Variants in AFAP1L2 observed in about 807,000 individuals in gnomAD.
AFAP1L2 encodes actin filament associated protein 1 like 2, also known as actin filament-associated protein 1-like 2.
In AFAP1L2, 46 loss-of-function variants were observed where a neutral mutation model predicts 99.3. That is an observed-to-expected ratio of 0.46 (90% CI 0.37 to 0.59). AFAP1L2 has a LOEUF of 0.59. Among genes scored for constraint, AFAP1L2 ranks in the 20% least tolerant of loss-of-function variants. The probability of loss-of-function intolerance (pLI) is 0.00; values close to 1 mark genes in which losing one functional copy is unlikely to be tolerated. For missense variants in AFAP1L2, 959 were observed against 1,034.9 expected, an observed-to-expected ratio of 0.93 and a Z score of 1.01; for synonymous variants, 397 against 419.1, an observed-to-expected ratio of 0.95 and a Z score of 0.64.
At chr10:114,356,684 C>G (rs192034082) in intron 1 of AFAP1L2, among the ~76,000 whole-genome samples, 2 of 152,230 alleles carry the variant, frequency 1.3e-5, no homozygotes, top group East Asian at 3.8e-4. Flanking sequence ...GAGAAAGGGA[C>G]TTCATCCAAG....
At chr10:114,330,960 G>A (rs148796784) in intron 4 of AFAP1L2, among the ~76,000 whole-genome samples, 41 of 152,264 alleles carry the variant, frequency 2.7e-4, no homozygotes, top group African/African-American at 9.1e-4. Context: ...CAGGTCAGCA[G>A]GAGTCTCTCT....
intron 1 of AFAP1L2, among the ~76,000 whole-genome samples, chr10:114,350,855 A>C (rs7915564): frequency 0.023 from 3,565 of 152,292 alleles, 161 homozygotes; most frequent in African/African-American, 0.082. Flanking sequence ...GGGCAGACTC[A>C]AGACACTCCA....
chr10:114,340,923 G>T, intron 1 of AFAP1L2, 192 bp from the exon 2 acceptor site: 2 of 695,696 alleles, frequency 2.9e-6, no homozygotes, highest in Non-Finnish European at 4.8e-6. Context: ...GCCACAGGGA[G>T]AGAGAAACAG....
At chr10:114,385,562 G>A (rs1339005882) in intron 1 of AFAP1L2, among the ~76,000 whole-genome samples, 5 of 152,162 alleles carry the variant, frequency 3.3e-5, no homozygotes, top group East Asian at 1.9e-4. Flanking sequence ...TTTTGCTGGG[G>A]TTACCCCTGG....
intron 10 of AFAP1L2, among the ~76,000 whole-genome samples, chr10:114,305,408 CAGA>C (rs2042048533): frequency 1.6e-5 from 1 of 61,118 alleles, no homozygotes; most frequent in South Asian, 6.4e-4. Flanking sequence ...GACGGCGCTG[CAGA>C]AGGAGATGCA....
intron 4 of AFAP1L2, among the ~76,000 whole-genome samples, chr10:114,328,428 A>C (rs1281127916): frequency 1.3e-5 from 2 of 152,188 alleles, no homozygotes; most frequent in Non-Finnish European, 2.9e-5. Context: ...CAGGTGGACA[A>C]ACCTCCCTGA....
Position 114,303,250 on chromosome 10 carries a change from C to T in AFAP1L2, c.1285-766G>A, listed in dbSNP as rs1317027808. 5.3e-5 allele frequency among the ~76,000 whole-genome samples: 8 copies of T among 152,212 alleles called. No individual in the cohort carries two copies. The East Asian group carries it at 1.5e-3, about 29-fold the overall frequency. On this transcript the variant is annotated intron_variant, in intron 11 of 18. Transcript: ENST00000304129. Reference sequence around the variant, plus strand: ...GCTCCATCACGTTTGCTGCTACATTCTCTTCATCAAAGAGGCCGTGATGAG... The same window carrying T: ...GCTCCATCACGTTTGCTGCTACATTTTCTTCATCAAAGAGGCCGTGATGAG...
chr10:114,300,098 C>T, intron 15 of AFAP1L2, 96 bp downstream of exon 15: 1 of 1,531,336 alleles, frequency 6.5e-7, no homozygotes, highest in South Asian at 1.2e-5. Context: ...TTAATAAACG[C>T]CCTTTCATAT....
chr10:114,288,085 A>C, the AFAP1L2 span, among the ~76,000 whole-genome samples: 1 of 152,126 alleles, frequency 6.6e-6, no homozygotes, highest in African/African-American at 2.4e-5. Flanking sequence ...AATAAAACCC[A>C]AACTCCTTCC....
intron 6 of AFAP1L2, among the ~76,000 whole-genome samples, chr10:114,315,314 G>A (rs574245757): frequency 2.0e-5 from 3 of 152,222 alleles, no homozygotes; most frequent in Non-Finnish European, 2.9e-5. Context: ...TGGGGGAGGC[G>A]GTGGTAGTCA....
At chr10:114,290,463 C>A (rs2039466439), downstream of AFAP1L2, 2 of 1,476,592 alleles carry the variant, frequency 1.4e-6, no homozygotes, top group African/African-American at 1.4e-5. Flanking sequence ...CTAAAACATT[C>A]GTTCAGTGGA....
At chr10:114,343,762 C>A (rs1162072908) in intron 1 of AFAP1L2, among the ~76,000 whole-genome samples, 6 of 152,298 alleles carry the variant, frequency 3.9e-5, no homozygotes, top group South Asian at 2.1e-4. Context: ...CCAGTAGGGC[C>A]TCCCACCATC....
At chr10:114,316,229 G>A (rs948638543) in intron 5 of AFAP1L2, among the ~76,000 whole-genome samples, 5 of 152,212 alleles carry the variant, frequency 3.3e-5, no homozygotes, top group African/African-American at 7.2e-5. Context: ...GGAAGAGAAC[G>A]CCATCCGTGC....
rs1482514915 is a variant in AFAP1L2, at chr10:114,295,299, A to ATGAC, written c.*739_*742dup. The ATGAC allele has an allele frequency of 2.0e-6, 2 of 984,848 alleles. No homozygotes were observed. The highest frequency in any genetic ancestry group is 6.1e-5 in the Admixed American group (1 of 16,270). The allele number at this position is 984,848 out of a possible 1,614,324, so 61.0% of individuals were successfully genotyped here. Reference sequence around the variant, plus strand: ...CAAAAGATACTTTTCACTGTTCTAAATGACAGGATTTTAAGCATTTTTTCC... The same window carrying ATGAC: ...CAAAAGATACTTTTCACTGTTCTAAATGACTGACAGGATTTTAAGCATTTTTTCC... On this transcript the variant is annotated 3_prime_UTR_variant, in exon 19 of 19. Transcript: ENST00000304129.
At chr10:114,363,511 T>C (rs904931307) in intron 1 of AFAP1L2, among the ~76,000 whole-genome samples, 17 of 152,218 alleles carry the variant, frequency 1.1e-4, no homozygotes, top group African/African-American at 4.1e-4. Context: ...TGGGCACTTG[T>C]GTAATTTAAT....
At chr10:114,287,153 C>A in the AFAP1L2 span, among the ~76,000 whole-genome samples, 1 of 152,158 alleles carries the variant, frequency 6.6e-6, no homozygotes. Flanking sequence ...GAGGCCTGGC[C>A]CATGGCCAGA....
chr10:114,310,955 A>ACCCC (rs1264393809), intron 7 of AFAP1L2, among the ~76,000 whole-genome samples: 94 of 130,386 alleles, frequency 7.2e-4, no homozygotes, highest in South Asian at 1.0e-3. Flanking sequence ...GCCTGCCGCC[A>ACCCC]CCCACCCGCC....
the AFAP1L2 span, chr10:114,286,363 C>T: frequency 2.5e-6 from 4 of 1,613,722 alleles, no homozygotes; most frequent in East Asian, 2.2e-5. Context: ...GAGAGCTGCT[C>T]CTGCTGGGTG....
At chr10:114,284,918 G>C in the AFAP1L2 span, 1 of 1,605,174 alleles carries the variant, frequency 6.2e-7, no homozygotes, top group Admixed American at 1.7e-5. Flanking sequence ...CAGAAGGACT[G>C]GACGGCTACC....
Sources: allele counts gnomAD v4.1 joint callset (sites outside exome capture counted in the v4.1 genomes callset), GRCh38; gene constraint gnomAD v4.1.1; transcripts MANE v1.5; gene names NCBI Gene and HGNC (gene_info 2026-07-23, HGNC 2026-07-21).